The following LHX2 variants were observed in gnomAD, a reference collection of about 807,000 sequenced individuals.
The protein encoded by LHX2 is LIM/homeobox protein Lhx2.
LHX2 carries 6 observed loss-of-function variants against 33.0 expected under a neutral mutation model. The ratio of observed to expected loss-of-function variants is 0.18; its 90% CI spans 0.10 to 0.36. The LOEUF (loss-of-function observed/expected upper bound fraction) is 0.36. Among genes scored for constraint, LHX2 ranks in the 10% least tolerant of loss-of-function variants. LHX2 has a pLI of 1.00. For synonymous variants in LHX2, 292 were observed against 253.1 expected (o/e 1.15, Z -1.46); for missense variants, 442 against 586.2 (o/e 0.75, Z 2.54).
At position 124,012,291 on chromosome 9, in the gene LHX2, CG is replaced by C. The variant is rs1859104298; in HGVS notation, c.-52del. The C allele has an allele frequency of 9.7e-6, 14 of 1,436,320 alleles. No homozygotes were observed. Among genetic ancestry groups the C allele is most frequent in the South Asian group, 2.7e-5 (2 of 73,458 alleles). 89.0% of individuals were successfully genotyped at this position (1,436,320 alleles called of 1,614,324 possible). A position where few individuals can be genotyped will look rare whatever the true frequency, so the allele number is the denominator to read the frequency against. ...CGCCAGGAGCGCCAGGCAGCTGAGG[CG>C]GGGGGCAAGCCCTCCCTCGGAGGAG... On this transcript the variant is annotated 5_prime_UTR_variant, in exon 1 of 5. Coordinates refer to ENST00000373615, the MANE Select transcript of LHX2 (RefSeq NM_004789.4). This position sits in a 1 kb window ranked among gnomAD's most constrained non-coding sequence, Gnocchi z 4.3.
intron 4 of LHX2, among the ~76,000 whole-genome samples, chr9:124,023,234 C>T (rs1372245086): frequency 2.0e-5 from 3 of 152,102 alleles, no homozygotes; most frequent in Non-Finnish European, 4.4e-5. Context: ...CTTTTGGCTT[C>T]CCTGGGCCAC....
intron 3 of LHX2, among the ~76,000 whole-genome samples, chr9:124,019,305 G>A (rs1008875869): frequency 6.6e-6 from 1 of 152,194 alleles, no homozygotes; most frequent in Non-Finnish European, 1.5e-5. Context: ...CTCTCTGCAA[G>A]GGGCTCTTCC....
intron 3 of LHX2, among the ~76,000 whole-genome samples, chr9:124,018,658 A>C: frequency 6.7e-6 from 1 of 149,496 alleles, no homozygotes; most frequent in Non-Finnish European, 1.5e-5. Context: ...TGTTTCCGGG[A>C]CTCGCTTTCC....
intron 4 of LHX2, among the ~76,000 whole-genome samples, chr9:124,022,661 G>A (rs879569461): frequency 6.6e-6 from 1 of 152,230 alleles, no homozygotes; most frequent in Admixed American, 6.5e-5. Flanking sequence ...TGACGGAGAC[G>A]GAGGGCTGCG....
intron 3 of LHX2, among the ~76,000 whole-genome samples, chr9:124,020,295 C>T (rs920169539): frequency 6.6e-6 from 1 of 152,140 alleles, no homozygotes; most frequent in African/African-American, 2.4e-5. Context: ...CTTCCCCGTC[C>T]ACTCTGCCGC....
intron 4 of LHX2, chr9:124,031,582 C>T (rs1828704833): frequency 1.3e-5 from 2 of 152,084 alleles, no homozygotes; most frequent in African/African-American, 4.8e-5. Flanking sequence ...TTTTAAATGT[C>T]CTAGTAGCCT....
chr9:124,015,015 G>A lies in LHX2; in HGVS notation c.324-107G>A, dbSNP rs961469457. 3.0e-6 allele frequency: 4 copies of A among 1,328,284 alleles called. No homozygotes were observed. Among genetic ancestry groups the A allele is most frequent in the Non-Finnish European group, 4.2e-6 (4 of 960,884 alleles). 82.3% of individuals were successfully genotyped at this position (1,328,284 alleles called of 1,614,324 possible). Reference sequence around the variant, plus strand: ...CCTCCAAATAAAGGCCGGGTTGTTCGTCTTGAGGAGGGGATTGCCCCCCGC... The same window carrying A: ...CCTCCAAATAAAGGCCGGGTTGTTCATCTTGAGGAGGGGATTGCCCCCCGC... On this transcript the variant is annotated intron_variant, in intron 2 of 4. Transcript: ENST00000373615. This position sits in a 1 kb window ranked among gnomAD's most constrained non-coding sequence, Gnocchi z 7.9.
chr9:124,032,858 G>T lies in LHX2; in HGVS notation c.*151G>T, dbSNP rs182696516. ...ACAGAGGTAAAAAAAAGAAGTGTGC[G>T]CCCGGCTAATGCAGCGGTGTGGACC... On this transcript the variant is annotated 3_prime_UTR_variant, in exon 5 of 5. Transcript: ENST00000373615. This position sits in a 1 kb window ranked among gnomAD's most constrained non-coding sequence, Gnocchi z 4.1. 4 of 853,792 alleles carry T rather than the reference G, an allele frequency of 4.7e-6. No homozygotes were observed. The highest frequency in any genetic ancestry group is 7.0e-6 in the Non-Finnish European group (4 of 573,166). 52.9% of individuals were successfully genotyped at this position (853,792 alleles called of 1,614,324 possible). A position where few individuals can be genotyped will look rare whatever the true frequency, so the allele number is the denominator to read the frequency against.
intron 4 of LHX2, among the ~76,000 whole-genome samples, chr9:124,023,759 C>G (rs534550253): frequency 9.2e-4 from 140 of 152,302 alleles, no homozygotes; most frequent in African/African-American, 3.2e-3. Flanking sequence ...TCTGATGAAA[C>G]ATATATTGGC....
At chr9:124,026,693 A>G (rs1828630214) in intron 4 of LHX2, among the ~76,000 whole-genome samples, 2 of 152,240 alleles carry the variant, frequency 1.3e-5, no homozygotes, top group East Asian at 1.9e-4. Context: ...AATCTGGAAG[A>G]GACTCAACTT....
chr9:124,012,329 GC>G lies in LHX2; in HGVS notation c.-16del. On this transcript the variant is annotated 5_prime_UTR_variant, in exon 1 of 5. Transcript: ENST00000373615. This position sits in a 1 kb window ranked among gnomAD's most constrained non-coding sequence, Gnocchi z 4.3. Reference sequence around the variant, plus strand: ...CTCCCTCGGAGGAGCCGCGCCCCCGGCCCCGCCGGTCCCGCCGCGATGCTGT... The same window carrying G: ...CTCCCTCGGAGGAGCCGCGCCCCCGGCCCGCCGGTCCCGCCGCGATGCTGT... 6.7e-7 allele frequency: 1 copy of G among 1,486,602 alleles called. No individual in the cohort carries two copies. The highest frequency in any genetic ancestry group is 2.9e-5 in the East Asian group (1 of 34,130). 92.1% of individuals were successfully genotyped at this position (1,486,602 alleles called of 1,614,324 possible). A position where few individuals can be genotyped will look rare whatever the true frequency, so the allele number is the denominator to read the frequency against.
chr9:124,018,332 C>T (rs1327075075), intron 3 of LHX2, among the ~76,000 whole-genome samples: 1 of 151,398 alleles, frequency 6.6e-6, no homozygotes, highest in African/African-American at 2.4e-5. Flanking sequence ...GCCCCTCGCT[C>T]CTCCCCGGAT....
rs1370846351 is a variant in LHX2 at position 124,012,681 on chromosome 9, G to A, written c.120+213G>A. Among the ~76,000 whole-genome samples, 1 of 152,228 alleles carries A rather than the reference G, an allele frequency of 6.6e-6. No homozygotes were observed. Among genetic ancestry groups the A allele is most frequent in the Non-Finnish European group, 1.5e-5 (1 of 68,042 alleles). On this transcript the variant is annotated intron_variant, in intron 1 of 4. Coordinates refer to ENST00000373615, the MANE Select transcript of LHX2 (RefSeq NM_004789.4). This position sits in a 1 kb window ranked among gnomAD's most constrained non-coding sequence, Gnocchi z 4.3. Reference sequence around the variant, plus strand: ...GAAACAAGGTTGAAACCGAAATCTCGGCCCTGGGGGTAGAGGAGAGCGTTT... The same window carrying A: ...GAAACAAGGTTGAAACCGAAATCTCAGCCCTGGGGGTAGAGGAGAGCGTTT...
intron 4 of LHX2, among the ~76,000 whole-genome samples, chr9:124,029,752 C>T (rs1378562647): frequency 6.6e-6 from 1 of 152,232 alleles, no homozygotes; most frequent in East Asian, 1.9e-4. Context: ...GTCAGACGCA[C>T]AGAGCACAGG....
chr9:124,029,702 C>T (rs1478195100), intron 4 of LHX2, among the ~76,000 whole-genome samples: 1 of 152,212 alleles, frequency 6.6e-6, no homozygotes, highest in Non-Finnish European at 1.5e-5. Context: ...CACCCTCAAA[C>T]CCTCGACCCA....
At position 124,012,412 on chromosome 9, in the gene LHX2, G is replaced by A. The variant is rs756249258; in HGVS notation, c.64G>A (p.Ala22Thr). The A allele has an allele frequency of 6.5e-7, 1 of 1,536,776 alleles. No homozygotes were observed. The highest frequency in any genetic ancestry group is 8.7e-7 in the Non-Finnish European group (1 of 1,147,088). ...HGVIDEMDRR[A>T]KSEAPAISSA... ...GGTCATCGACGAGATGGACCGCAGG[G>A]CCAAGAGCGAGGCTCCCGCCATCAG... Residue 22 changes from alanine (A) to threonine (T), a missense_variant, in exon 1 of 5, where the codon GCC becomes ACC. Coordinates refer to ENST00000373615, the MANE Select transcript of LHX2 (RefSeq NM_004789.4). The surrounding 1 kb of genome is among the most constrained non-coding windows in gnomAD (Gnocchi z 4.3).
chr9:124,013,548 C>T (rs764561308), intron 1 of LHX2, among the ~76,000 whole-genome samples: 2 of 152,246 alleles, frequency 1.3e-5, no homozygotes, highest in Non-Finnish European at 2.9e-5. Flanking sequence ...TGGAGGGTGA[C>T]TTAATGGTCA....
At chr9:124,030,089 T>A (rs968600285) in intron 4 of LHX2, among the ~76,000 whole-genome samples, 1 of 152,252 alleles carries the variant, frequency 6.6e-6, no homozygotes, top group Non-Finnish European at 1.5e-5. Flanking sequence ...TGTGCCTTCT[T>A]CCTGGGAAGA....
chr9:124,018,167 C>A (rs1859226204), intron 3 of LHX2, among the ~76,000 whole-genome samples: 1 of 152,074 alleles, frequency 6.6e-6, no homozygotes, highest in South Asian at 2.1e-4. Flanking sequence ...CAGGTTCAGT[C>A]CCAGCGACAA....
Sources: gnomAD v4.1 joint callset for allele counts (sites outside exome capture counted in the v4.1 genomes callset) on GRCh38, gnomAD v4.1.1 for gene constraint, Gnocchi (gnomAD v3.1) non-coding constraint, MANE v1.5 for transcripts, NCBI Gene and HGNC (gene_info 2026-07-23, HGNC 2026-07-21) for gene names.